Variants in TBL1X observed in about 807,000 individuals in gnomAD.
The protein encoded by TBL1X is transducin beta like 1 X-linked.
TBL1X carries 10 observed loss-of-function variants against 50.7 expected under a neutral mutation model. The ratio of observed to expected loss-of-function variants is 0.20; its 90% CI spans 0.12 to 0.33. The LOEUF is 0.33. TBL1X is among the 10% of genes least tolerant of loss of function. The probability of loss-of-function intolerance (pLI) is 1.00; values close to 1 mark genes in which losing one functional copy is unlikely to be tolerated. For synonymous variants in TBL1X, 190 were observed against 214.7 expected (o/e 0.88, Z 1.01); for missense variants, 340 against 504.4 (o/e 0.67, Z 3.12).
chrX:9,624,305 A>G (rs57199089), intron 2 of TBL1X, among the ~76,000 whole-genome samples: 7,994 of 111,700 alleles, frequency 0.072, 304 homozygotes, highest in African/African-American at 0.14. Flanking sequence ...AATGAAATTC[A>G]CATAGCATCC....
chrX:9,573,305 A>G (rs2082394856), intron 2 of TBL1X, among the ~76,000 whole-genome samples: 1 of 112,312 alleles, frequency 8.9e-6, no homozygotes, highest in African/African-American at 3.2e-5. Flanking sequence ...CTGACCTTTA[A>G]TATTTTTTTG....
chrX:9,630,250 G>C, intron 2 of TBL1X, among the ~76,000 whole-genome samples: 1 of 111,645 alleles, frequency 9.0e-6, no homozygotes. Flanking sequence ...GGAATCACTC[G>C]ATGTTTCGTT....
At chrX:9,611,494 T>C (rs748899096) in intron 2 of TBL1X, among the ~76,000 whole-genome samples, 1 of 112,313 alleles carries the variant, frequency 8.9e-6, no homozygotes, top group Non-Finnish European at 1.9e-5. Context: ...CACCCAGTGC[T>C]GTTTGCCCAA....
At chrX:9,511,979 G>A (rs1285795725) in intron 2 of TBL1X, among the ~76,000 whole-genome samples, 2 of 111,628 alleles carry the variant, frequency 1.8e-5, no homozygotes, top group East Asian at 5.6e-4. Flanking sequence ...TCCCACCTCA[G>A]CCTCCCAAGT....
chrX:9,644,664 T>TTTTC (rs2082793904), intron 3 of TBL1X: 2 of 99,503 alleles, frequency 2.0e-5, no homozygotes, highest in East Asian at 6.7e-4. Context: ...CTTTTCTTTT[T>TTTTC]TTTTTTTTTT....
chrX:9,704,047 T>TGA (rs1266461452), intron 12 of TBL1X, among the ~76,000 whole-genome samples: 1 of 111,638 alleles, frequency 9.0e-6, no homozygotes, highest in African/African-American at 3.3e-5. Flanking sequence ...AGGTAGAGAA[T>TGA]GAGACCCATA....
At chrX:9,714,499 C>T (rs1465269021) in intron 16 of TBL1X, among the ~76,000 whole-genome samples, 2 of 111,034 alleles carry the variant, frequency 1.8e-5, no homozygotes, top group African/African-American at 6.6e-5. Context: ...GGGAAGGAGA[C>T]GGGAAGGGTA....
chrX:9,496,438 C>A (rs2081971412), intron 1 of TBL1X, among the ~76,000 whole-genome samples: 1 of 112,463 alleles, frequency 8.9e-6, no homozygotes, highest in African/African-American at 3.2e-5. Flanking sequence ...AGAGTCTTGC[C>A]CTCTCCCCCA....
In TBL1X at chrX:9,709,259, C is replaced by T. The variant is rs776529528; in HGVS notation, c.1248C>T (p.Asn416=). ...CTGCTCTCTTTCAGAACGAGGTCAA[C>T]GCCATCAAATGGGATCCGTCTGGAA... ...KTFQGHTNEV[N]AIKWDPSGML... Residue 416 remains asparagine, a synonymous_variant, in exon 14 of 18, where the codon AAC becomes AAT. Coordinates refer to ENST00000645353, the MANE Select transcript of TBL1X (RefSeq NM_005647.4). 7.4e-6 allele frequency: 9 copies of T among 1,211,185 alleles called. No homozygotes were observed. The highest frequency in any genetic ancestry group is 7.0e-5 in the South Asian group (4 of 56,920).
chrX:9,490,965 T>G (rs1213665106), intron 1 of TBL1X, among the ~76,000 whole-genome samples: 1 of 110,915 alleles, frequency 9.0e-6, no homozygotes. Context: ...AGATTATAAA[T>G]TCTTAAAAAA....
intron 5 of TBL1X, among the ~76,000 whole-genome samples, chrX:9,661,622 A>C (rs1016679186): frequency 8.9e-6 from 1 of 111,853 alleles, no homozygotes; most frequent in Non-Finnish European, 1.9e-5. Flanking sequence ...AGAGGAGTGC[A>C]TGGAAGAGTG....
At chrX:9,534,690 G>A (rs2082179176) in intron 2 of TBL1X, among the ~76,000 whole-genome samples, 1 of 111,052 alleles carries the variant, frequency 9.0e-6, no homozygotes. Context: ...TACTGGGGAC[G>A]GATGTTGGTA....
chrX:9,595,260 C>T (rs1485676366), intron 2 of TBL1X, among the ~76,000 whole-genome samples: 2 of 111,474 alleles, frequency 1.8e-5, no homozygotes, highest in South Asian at 3.8e-4. Flanking sequence ...AGGGAGAAGA[C>T]GCTGTCAAAA....
intron 2 of TBL1X, among the ~76,000 whole-genome samples, chrX:9,579,805 T>A (rs922678113): frequency 1.8e-5 from 2 of 110,642 alleles, no homozygotes; most frequent in Non-Finnish European, 3.8e-5. Flanking sequence ...CAGAGCCATT[T>A]CTCCCCTGTG....
At chrX:9,618,610 C>T (rs1273524728) in intron 2 of TBL1X, among the ~76,000 whole-genome samples, 3 of 111,836 alleles carry the variant, frequency 2.7e-5, no homozygotes, top group Admixed American at 9.4e-5. Context: ...ACCTGGGAGG[C>T]GGAGGTTGCA....
chrX:9,705,449 A>C (rs1445617434), intron 13 of TBL1X, among the ~76,000 whole-genome samples: 1 of 111,713 alleles, frequency 9.0e-6, no homozygotes, highest in Non-Finnish European at 1.9e-5. Flanking sequence ...GAATAGAAAA[A>C]AAAATCATTA....
rs777636670 is a variant in TBL1X at position 9,711,725 on chromosome X, G to A, written c.1554G>A (p.Lys518=). 2.5e-6 allele frequency: 3 copies of A among 1,206,775 alleles called. No individual in the cohort carries two copies. In the African/African-American group the frequency reaches 5.2e-5, roughly 21 times the overall value. ...GCGTAGCTTTCAGCCCTGATGGGAA[G>A]TACTTGGCCAGTGGATCCTTCGACA... ...VYSVAFSPDG[K]YLASGSFDKC... is the part of the protein sequence containing the mutation. Residue 518 remains lysine, a synonymous_variant, in exon 16 of 18, where the codon AAG becomes AAA. Transcript: ENST00000645353.
chrX:9,478,854 G>A (rs940225790), intron 1 of TBL1X, among the ~76,000 whole-genome samples: 3 of 112,384 alleles, frequency 2.7e-5, no homozygotes, highest in African/African-American at 9.7e-5. Flanking sequence ...TACCTCCTGC[G>A]TTCATGGTTA....
At chrX:9,636,448 T>A (rs1184104110) in intron 2 of TBL1X, 1 of 106,715 alleles carries the variant, frequency 9.4e-6, no homozygotes, top group Non-Finnish European at 1.9e-5. Context: ...ATGGTTAATT[T>A]TATGTTGTTA....
Sources: allele counts gnomAD v4.1 joint callset (sites outside exome capture counted in the v4.1 genomes callset), GRCh38; gene constraint gnomAD v4.1.1; transcripts MANE v1.5; gene names NCBI Gene and HGNC (gene_info 2026-07-23, HGNC 2026-07-21).